Variants in C7orf33 observed in about 807,000 individuals in gnomAD.
The protein encoded by C7orf33 is chromosome 7 open reading frame 33, also known as uncharacterized protein C7orf33.
In C7orf33, 15 loss-of-function variants were observed where a neutral mutation model predicts 13.4. The ratio of observed to expected loss-of-function variants is 1.12; its 90% CI spans 0.75 to 1.72. The LOEUF is 1.72. C7orf33 is among the 40% of genes most tolerant of loss of function. C7orf33 has a pLI of 0.00. For synonymous variants in C7orf33, 73 were observed against 83.2 expected, an observed-to-expected ratio of 0.88 and a Z score of 0.67; for missense variants, 187 against 220.3, an observed-to-expected ratio of 0.85 and a Z score of 0.96.
Position 148,590,908 on chromosome 7 carries a change from G to A in C7orf33, c.-18G>A, listed in dbSNP as rs1420510029. 2 of 1,613,042 alleles carry A rather than the reference G, an allele frequency of 1.2e-6. No homozygotes were observed. Among genetic ancestry groups the A allele is most frequent in the Admixed American group, 1.7e-5 (1 of 60,018 alleles). On this transcript the variant is annotated 5_prime_UTR_variant, in exon 1 of 3. Coordinates refer to ENST00000307003, the MANE Select transcript of C7orf33 (RefSeq NM_145304.4). The stretch of plus-strand genomic sequence containing the variant: ...CTCTCCTTGACAGCATCCAGGAAAG[G>A]TAATTACCTTTGCCAAAATGCAAGT...
Position 148,615,815 on chromosome 7 carries a change from A to G in C7orf33, c.*414A>G, listed in dbSNP as rs1796596738. The G allele has an allele frequency of 6.2e-6, 1 of 160,754 alleles. No homozygotes were observed. Among genetic ancestry groups the G allele is most frequent in the African/African-American group, 2.4e-5 (1 of 41,772 alleles). 10.0% of individuals were successfully genotyped at this position (160,754 alleles called of 1,614,324 possible). A position where few individuals can be genotyped will look rare whatever the true frequency, so the allele number is the denominator to read the frequency against. ...TATGATATTATTTGTAATATCTGGT[A>G]TGTCTAAGTAAAACATGCATTCAGT... On this transcript the variant is annotated 3_prime_UTR_variant, in exon 3 of 3. Transcript: ENST00000307003.
Position 148,614,150 on chromosome 7 carries a change from G to T in C7orf33, c.313G>T (p.Asp105Tyr). The T allele has an allele frequency of 3.1e-6, 5 of 1,614,174 alleles. No individual in the cohort carries two copies. In the South Asian group the frequency reaches 3.3e-5, roughly 11 times the overall value. Reference sequence around the variant, plus strand: ...GCATTTTCTTTCTCAAGGTCCCACGGATGCCCAGAGAGCAGTCAGAATCAG... The same window carrying T: ...GCATTTTCTTTCTCAAGGTCCCACGTATGCCCAGAGAGCAGTCAGAATCAG... ...PWHFLSQGPTDAQRAVRIRPG... is the reference protein window; with the variant it reads ...PWHFLSQGPTYAQRAVRIRPG... The change falls in exon 2 of 3, where the codon GAT becomes TAT. Residue 105 changes from aspartate to tyrosine, a missense_variant. Asp to Tyr is a radical substitution (Grantham distance 160, BLOSUM62 -3). Coordinates refer to ENST00000307003, the MANE Select transcript of C7orf33 (RefSeq NM_145304.4).
intron 1 of C7orf33, among the ~76,000 whole-genome samples, chr7:148,592,099 C>G (rs1283874893): frequency 1.3e-5 from 2 of 152,210 alleles, no homozygotes; most frequent in Non-Finnish European, 2.9e-5. Context: ...TGCCCACACC[C>G]TCATTGTGGC....
intron 1 of C7orf33, among the ~76,000 whole-genome samples, chr7:148,593,940 C>G (rs1196490003): frequency 6.6e-6 from 1 of 152,136 alleles, no homozygotes; most frequent in Non-Finnish European, 1.5e-5. Flanking sequence ...TAGTTTAGCG[C>G]CATCCTCTTG....
At position 148,614,220 on chromosome 7, in the gene C7orf33, C is replaced by G. The variant is rs534493236; in HGVS notation, c.383C>G (p.Thr128Ser). 1.5e-5 allele frequency: 25 copies of G among 1,614,074 alleles called. No homozygotes were observed. The highest frequency in any genetic ancestry group is 1.1e-5 in the Non-Finnish European group (13 of 1,180,050). Residue 128 changes from threonine to serine, a missense_variant, in exon 2 of 3, where the codon ACC (threonine) becomes AGC (serine). By Grantham distance (58) the Thr-to-Ser change is moderately conservative (BLOSUM62 1). Coordinates refer to ENST00000307003, the MANE Select transcript of C7orf33 (RefSeq NM_145304.4). The stretch of plus-strand genomic sequence containing the variant: ...TTGTCCTCAGATCCAGTTGTCGGCA[C>G]CTTGTCTTCCAGTTACCTAGATCTG... ...MGLSSDPVVGTLSSSYLDLLT... is the reference protein window; with the variant it reads ...MGLSSDPVVGSLSSSYLDLLT...
At chr7:148,599,752 C>T (rs1331424358) in intron 1 of C7orf33, among the ~76,000 whole-genome samples, 3 of 152,108 alleles carry the variant, frequency 2.0e-5, no homozygotes, top group African/African-American at 4.8e-5. Flanking sequence ...GGATTACAGG[C>T]GTGAGCCACC....
At chr7:148,607,652 T>C (rs1796489148) in intron 1 of C7orf33, among the ~76,000 whole-genome samples, 1 of 152,084 alleles carries the variant, frequency 6.6e-6, no homozygotes, top group Non-Finnish European at 1.5e-5. Flanking sequence ...CTTTAGAAAA[T>C]ATGACTCAAA....
chr7:148,594,527 A>G (rs1410022302), intron 1 of C7orf33, among the ~76,000 whole-genome samples: 1 of 152,162 alleles, frequency 6.6e-6, no homozygotes, highest in African/African-American at 2.4e-5. Flanking sequence ...CAGCAATGCA[A>G]AAACAGCCTA....
chr7:148,590,849 C>A lies in C7orf33; in HGVS notation c.-77C>A. 2 of 1,359,146 alleles carry A rather than the reference C, an allele frequency of 1.5e-6. No individual in the cohort carries two copies. Among genetic ancestry groups the A allele is most frequent in the Non-Finnish European group, 2.1e-6 (2 of 955,662 alleles). The allele number at this position is 1,359,146 out of a possible 1,614,324, so 84.2% of individuals were successfully genotyped here. On this transcript the variant is annotated 5_prime_UTR_variant, in exon 1 of 3. Coordinates refer to ENST00000307003, the MANE Select transcript of C7orf33 (RefSeq NM_145304.4). ...CTCCTACTGACCCTGGGGATCCGTG[C>A]GACTTGATCTTAGATATTGGTGGTG...
chr7:148,595,974 C>T (rs987963772), intron 1 of C7orf33, among the ~76,000 whole-genome samples: 1 of 151,450 alleles, frequency 6.6e-6, no homozygotes, highest in Non-Finnish European at 1.5e-5. Flanking sequence ...AAATGAGTAA[C>T]TACAAAATTG....
At chr7:148,594,107 A>G (rs976330494) in intron 1 of C7orf33, among the ~76,000 whole-genome samples, 2 of 151,784 alleles carry the variant, frequency 1.3e-5, no homozygotes, top group Non-Finnish European at 2.9e-5. Flanking sequence ...GCCTCCCCAG[A>G]AGCCGAGCAG....
At chr7:148,595,615 ATT>A (rs1402861213) in intron 1 of C7orf33, among the ~76,000 whole-genome samples, 2 of 124,488 alleles carry the variant, frequency 1.6e-5, no homozygotes, top group African/African-American at 7.2e-5. Flanking sequence ...TATTATATAT[ATT>A]ATATATAATA....
chr7:148,610,581 G>A (rs2018883), intron 1 of C7orf33, among the ~76,000 whole-genome samples: 80,951 of 151,774 alleles, frequency 0.53, 21,730 homozygotes, highest in East Asian at 0.57. Context: ...AATATTTTAT[G>A]TGTGTATATA....
Position 148,614,138 on chromosome 7 carries a change from C to T in C7orf33, c.301C>T (p.Gln101Ter), listed in dbSNP as rs778780697. 3.1e-6 allele frequency: 5 copies of T among 1,614,198 alleles called. No homozygotes were observed. In the South Asian group the frequency reaches 5.5e-5, roughly 18 times the overall value. Residue 101 changes from glutamine (Q) to a stop codon, truncating the protein, a stop_gained, in exon 2 of 3, where the codon CAA becomes TAA. Transcript: ENST00000307003. LOFTEE classifies it high-confidence loss of function. Reference sequence around the variant, plus strand: ...TGGTGCCCCGTGGCATTTTCTTTCTCAAGGTCCCACGGATGCCCAGAGAGC... The same window carrying T: ...TGGTGCCCCGTGGCATTTTCTTTCTTAAGGTCCCACGGATGCCCAGAGAGC... ...KSGAPWHFLS[Q>*]GPTDAQRAVR...
intron 1 of C7orf33, among the ~76,000 whole-genome samples, chr7:148,605,331 G>T (rs1036759409): frequency 1.3e-5 from 2 of 152,184 alleles, no homozygotes; most frequent in African/African-American, 4.8e-5. Flanking sequence ...TAAGCCATTG[G>T]TGTCTCAGCT....
chr7:148,605,490 C>T (rs1796462427), intron 1 of C7orf33, among the ~76,000 whole-genome samples: 1 of 152,192 alleles, frequency 6.6e-6, no homozygotes, highest in Admixed American at 6.5e-5. Context: ...GATGAGTTTC[C>T]TCCTGTCTGC....
At chr7:148,613,555 A>T (rs1006669542) in intron 1 of C7orf33, among the ~76,000 whole-genome samples, 1 of 152,240 alleles carries the variant, frequency 6.6e-6, no homozygotes, top group Non-Finnish European at 1.5e-5. Context: ...AAGTGAAAGA[A>T]TTCAGTTACA....
At chr7:148,604,902 G>A (rs1369636329) in intron 1 of C7orf33, among the ~76,000 whole-genome samples, 1 of 152,136 alleles carries the variant, frequency 6.6e-6, no homozygotes, top group East Asian at 1.9e-4. Flanking sequence ...TAGCAGCAAT[G>A]TATATACACA....
At position 148,599,384 on chromosome 7, in the gene C7orf33, C is replaced by G. The variant is rs547318597; in HGVS notation, c.204+8255C>G. Among the ~76,000 whole-genome samples, 51 of 151,768 alleles carry G rather than the reference C, an allele frequency of 3.4e-4. 1 individual carries two copies. In the South Asian group the frequency reaches 0.011, roughly 32 times the overall value. ...AAAAGTTTGAAGTCATGTGAATAAA[C>G]TGTTAAATATCTTCTATCCTCCTAC... On this transcript the variant is annotated intron_variant, in intron 1 of 2. Coordinates refer to ENST00000307003, the MANE Select transcript of C7orf33 (RefSeq NM_145304.4).
Sources: allele counts gnomAD v4.1 joint callset (sites outside exome capture counted in the v4.1 genomes callset), GRCh38; gene constraint gnomAD v4.1.1; transcripts MANE v1.5; gene names NCBI Gene and HGNC (gene_info 2026-07-23, HGNC 2026-07-21).